LMNTD1: variants seen among roughly 807,000 people sequenced by gnomAD.
LMNTD1 encodes lamin tail domain-containing protein 1.
In LMNTD1, 35 loss-of-function variants were observed where a neutral mutation model predicts 50.9. That is an observed-to-expected ratio of 0.69 (90% CI 0.53 to 0.91). LMNTD1 has a LOEUF of 0.91. Among genes scored for constraint, LMNTD1 ranks in the 40% least tolerant of loss-of-function variants. LMNTD1 has a pLI of 0.00. For synonymous variants in LMNTD1, 153 were observed against 161.9 expected, an observed-to-expected ratio of 0.94 and a Z score of 0.42; for missense variants, 470 against 475.5, an observed-to-expected ratio of 0.99 and a Z score of 0.11.
rs1203581105 is a variant in LMNTD1 at position 25,584,314 on chromosome 12, C to T, written c.59-37760G>A. The stretch of plus-strand genomic sequence containing the variant: ...ACTTTGAGGTAGGCTAAGTGGTTGA[C>T]CCAAGGTTGTCTTGCTAAGAAGGGA... On this transcript the variant is annotated intron_variant, in intron 1 of 7. Transcript: ENST00000445693. Among the ~76,000 whole-genome samples the T allele has an allele frequency of 2.0e-5, 3 of 152,238 alleles. No homozygotes were observed. In the East Asian group the frequency reaches 5.8e-4, roughly 29 times the overall value.
At chr12:25,510,812 TTA>T (rs573875280) in intron 8 of LMNTD1, among the ~76,000 whole-genome samples, 1 of 152,178 alleles carries the variant, frequency 6.6e-6, no homozygotes, top group African/African-American at 2.4e-5. Flanking sequence ...TATACACATA[TTA>T]ACTCCTATGT....
chr12:25,630,266 A>C (rs535986124), intron 1 of LMNTD1, among the ~76,000 whole-genome samples: 1 of 152,312 alleles, frequency 6.6e-6, no homozygotes, highest in South Asian at 2.1e-4. Flanking sequence ...TGGAGTTGCT[A>C]CAATAAATTA....
intron 8 of LMNTD1, among the ~76,000 whole-genome samples, chr12:25,506,603 G>A (rs528522582): frequency 4.9e-4 from 75 of 151,736 alleles, no homozygotes; most frequent in Non-Finnish European, 9.7e-4. Context: ...GATGAATAAT[G>A]GCAACACAAT....
chr12:25,480,987 T>C (rs1938426027), intron 9 of LMNTD1, among the ~76,000 whole-genome samples: 1 of 152,180 alleles, frequency 6.6e-6, no homozygotes, highest in Admixed American at 6.5e-5. Flanking sequence ...CAAGACCTGC[T>C]CTACTGGTTG....
At chr12:25,632,356 G>C (rs2136600026) in intron 1 of LMNTD1, among the ~76,000 whole-genome samples, 1 of 152,308 alleles carries the variant, frequency 6.6e-6, no homozygotes, top group Admixed American at 6.5e-5. Flanking sequence ...AGGTTATCCA[G>C]AGTTAAGACG....
chr12:25,630,320 G>A (rs962266045), intron 1 of LMNTD1, among the ~76,000 whole-genome samples: 1 of 152,150 alleles, frequency 6.6e-6, no homozygotes, highest in African/African-American at 2.4e-5. Flanking sequence ...ACAGGAGGCA[G>A]GACTAGATTG....
At chr12:25,510,309 T>C (rs1380585645) in intron 8 of LMNTD1, among the ~76,000 whole-genome samples, 3 of 152,096 alleles carry the variant, frequency 2.0e-5, no homozygotes, top group South Asian at 2.1e-4. Context: ...TTCCTCAATA[T>C]AGAACTCAGG....
chr12:25,536,852 G>A (rs1032457172), intron 4 of LMNTD1, among the ~76,000 whole-genome samples: 3 of 152,246 alleles, frequency 2.0e-5, no homozygotes, highest in Admixed American at 6.5e-5. Context: ...GACAGTGGGC[G>A]CAGGTCAGTG....
At chr12:25,601,765 TTTTC>T (rs945367149) in intron 1 of LMNTD1, among the ~76,000 whole-genome samples, 1 of 151,936 alleles carries the variant, frequency 6.6e-6, no homozygotes, top group African/African-American at 2.4e-5. Context: ...AAGTTAATCC[TTTTC>T]TTTGACTTAT....
intron 4 of LMNTD1, 59 bp from the exon 5 acceptor site, chr12:25,527,014 C>CAATCTGAAAAATGCTGATACATAATGA: frequency 8.2e-7 from 1 of 1,213,688 alleles, no homozygotes; most frequent in Non-Finnish European, 1.1e-6. Context: ...CTTTGACTCA[C>CAATCTGAAAAATGCTGATACATAATGA]TTTAAGAAGT....
At chr12:25,478,243 C>T (rs1029333853) in intron 9 of LMNTD1, among the ~76,000 whole-genome samples, 1 of 152,112 alleles carries the variant, frequency 6.6e-6, no homozygotes, top group Non-Finnish European at 1.5e-5. Flanking sequence ...TGAACCCATA[C>T]ACATCTCCTG....
At position 25,509,211 on chromosome 12, in the gene LMNTD1, G is replaced by A. The variant is rs544499783; in HGVS notation, c.1190-5411C>T. Among the ~76,000 whole-genome samples, 180 of 152,218 alleles carry A rather than the reference G, an allele frequency of 1.2e-3. 1 individual carries two copies. The highest frequency in any genetic ancestry group is 3.8e-3 in the African/African-American group (157 of 41,530). ...CAACCTCCGCCTCCCAGGTTCAAGC[G>A]ATTCTCCTGCCTCAGCCTCCAGAGT... On this transcript the variant is annotated intron_variant, in intron 8 of 9. Coordinates refer to ENST00000458174, the MANE Select transcript of LMNTD1 (RefSeq NM_001145728.2).
At chr12:25,583,188 A>AT (rs10699058) in intron 1 of LMNTD1, among the ~76,000 whole-genome samples, 11 of 139,206 alleles carry the variant, frequency 7.9e-5, no homozygotes, top group African/African-American at 2.6e-4. Flanking sequence ...CGCCTGGCTA[A>AT]TTTTTTTTTT....
intron 1 of LMNTD1, among the ~76,000 whole-genome samples, chr12:25,596,342 C>A (rs543523283): frequency 5.9e-5 from 9 of 151,950 alleles, no homozygotes; most frequent in African/African-American, 2.2e-4. Context: ...ACTAGCTAAC[C>A]AAATCCAACA....
intron 1 of LMNTD1, among the ~76,000 whole-genome samples, chr12:25,627,254 C>A (rs1946609393): frequency 6.6e-6 from 1 of 152,204 alleles, no homozygotes; most frequent in African/African-American, 2.4e-5. Flanking sequence ...GAGGATGAGC[C>A]TCTGAAAGGC....
intron 1 of LMNTD1, among the ~76,000 whole-genome samples, chr12:25,646,954 CTTGT>C (rs1032722545): frequency 6.6e-6 from 1 of 152,108 alleles, no homozygotes; most frequent in Non-Finnish European, 1.5e-5. Flanking sequence ...GTTGATGTAC[CTTGT>C]TTAAGACCCA....
intron 4 of LMNTD1, among the ~76,000 whole-genome samples, chr12:25,538,683 A>G (rs1942807626): frequency 8.2e-6 from 1 of 122,618 alleles, no homozygotes; most frequent in Admixed American, 8.8e-5. Flanking sequence ...CAAAATAACC[A>G]GCTAACATCA....
At chr12:25,491,538 T>C (rs1157984549) in intron 9 of LMNTD1, among the ~76,000 whole-genome samples, 2 of 152,240 alleles carry the variant, frequency 1.3e-5, no homozygotes, top group Non-Finnish European at 2.9e-5. Flanking sequence ...CAATAAACTT[T>C]CAGTTCTAAG....
intron 8 of LMNTD1, among the ~76,000 whole-genome samples, chr12:25,510,005 G>T (rs931907948): frequency 6.6e-6 from 1 of 152,108 alleles, no homozygotes; most frequent in African/African-American, 2.4e-5. Context: ...CTTTGTGAAG[G>T]TAGCCCTCCC....
Sources: allele counts gnomAD v4.1 joint callset (sites outside exome capture counted in the v4.1 genomes callset), GRCh38; gene constraint gnomAD v4.1.1; transcripts MANE v1.5; gene names NCBI Gene and HGNC (gene_info 2026-07-23, HGNC 2026-07-21).